The following GLCCI1 variants were observed in gnomAD, a reference collection of about 807,000 sequenced individuals.
The protein encoded by GLCCI1 is glucocorticoid induced 1, also known as glucocorticoid-induced transcript 1 protein.
GLCCI1 carries 24 observed loss-of-function variants against 52.2 expected under a neutral mutation model. The observed-to-expected ratio is 0.46, with a 90% CI of 0.33 to 0.65. The LOEUF is 0.65. Ranked by LOEUF, GLCCI1 falls within the 30% of genes least tolerant of loss-of-function variation. GLCCI1 has a pLI of 0.02. For synonymous variants in GLCCI1, 310 were observed against 276.5 expected (o/e 1.12, Z -1.20); for missense variants, 704 against 701.5 (o/e 1.00, Z -0.04).
At position 7,969,670 on chromosome 7, in the gene GLCCI1, C is replaced by G. The variant is rs1780298454; in HGVS notation, c.320C>G (p.Ser107Cys). Residue 107 changes from serine (S) to cysteine (C), a missense_variant, in exon 1 of 8, where the codon TCC (serine) becomes TGC (cysteine). Physicochemically the swap from Ser to Cys is moderately radical, Grantham distance 112. Transcript: ENST00000223145. This position sits in a 1 kb window ranked among gnomAD's most constrained non-coding sequence, Gnocchi z 4.9. ...GPGAARGPSP[S>C]SPTPPAAAAP... ...GGCGCGGCCCGCGGCCCCAGCCCGT[C>G]CAGCCCGACGCCGCCGGCGGCCGCA... is the stretch of plus-strand genomic sequence containing the variant. 9.2e-7 allele frequency: 1 copy of G among 1,083,468 alleles called. No homozygotes were observed. The highest frequency in any genetic ancestry group is 1.1e-6 in the Non-Finnish European group (1 of 894,414). The allele number at this position is 1,083,468 out of a possible 1,614,324, so 67.1% of individuals were successfully genotyped here.
At chr7:8,055,574 T>G (rs774964585) in intron 4 of GLCCI1, 25 bp downstream of exon 4, 5 of 1,327,626 alleles carry the variant, frequency 3.8e-6, no homozygotes, top group Admixed American at 1.7e-5. Flanking sequence ...TGTCCAGATT[T>G]GAATAATTAC....
At chr7:8,015,569 T>C (rs1242314859) in intron 2 of GLCCI1, among the ~76,000 whole-genome samples, 1 of 152,202 alleles carries the variant, frequency 6.6e-6, no homozygotes, top group African/African-American at 2.4e-5. Flanking sequence ...CTCTCAGCCA[T>C]CATCTAATTA....
At position 8,071,122 on chromosome 7, in the gene GLCCI1, C is replaced by T. The variant is rs1184135030; in HGVS notation, c.1168C>T (p.Arg390Cys). The T allele has an allele frequency of 1.9e-6, 3 of 1,613,332 alleles. No individual in the cohort carries two copies. Among genetic ancestry groups the T allele is most frequent in the Admixed American group, 1.7e-5 (1 of 59,980 alleles). Reference protein sequence around the residue: ...PCSTEDLLYDRDKDSGSSSPL... With the variant: ...PCSTEDLLYDCDKDSGSSSPL... ...CTCAACAGAAGATTTGCTCTATGAT[C>T]GTGATAAAGGTAAGAATGGAATTGT... Residue 390 changes from arginine (R) to cysteine (C), a missense_variant, in exon 6 of 8, where the codon CGT becomes TGT. Physicochemically the swap from Arg to Cys is radical, Grantham distance 180. Coordinates refer to ENST00000223145, the MANE Select transcript of GLCCI1 (RefSeq NM_138426.4).
intron 6 of GLCCI1, among the ~76,000 whole-genome samples, chr7:8,072,949 A>G (rs1260274614): frequency 6.6e-6 from 1 of 152,130 alleles, no homozygotes; most frequent in Non-Finnish European, 1.5e-5. Flanking sequence ...CCTCCCAGTG[A>G]ATAGTGGTTT....
intron 3 of GLCCI1, among the ~76,000 whole-genome samples, chr7:8,039,176 A>G (rs577137737): frequency 5.9e-5 from 9 of 152,316 alleles, no homozygotes; most frequent in African/African-American, 9.6e-5. Context: ...TACAACCTCT[A>G]TGCAAAAATA....
chr7:8,037,083 C>A (rs534706328), intron 3 of GLCCI1, among the ~76,000 whole-genome samples: 1 of 130,458 alleles, frequency 7.7e-6, no homozygotes, highest in East Asian at 2.2e-4. Flanking sequence ...GATGACTCGA[C>A]CAAAATAGTC....
At chr7:8,067,575 G>C (rs1782658227) in intron 5 of GLCCI1, among the ~76,000 whole-genome samples, 1 of 152,154 alleles carries the variant, frequency 6.6e-6, no homozygotes. Context: ...TGGTAGTAAT[G>C]AATTCTCTTA....
At chr7:7,975,833 T>C (rs768547790) in intron 1 of GLCCI1, among the ~76,000 whole-genome samples, 2 of 152,220 alleles carry the variant, frequency 1.3e-5, no homozygotes, top group African/African-American at 2.4e-5. Context: ...TTCTTGTTTC[T>C]GAAGATAGGA....
chr7:8,002,529 G>GA (rs1396274829), intron 1 of GLCCI1, among the ~76,000 whole-genome samples: 1 of 151,980 alleles, frequency 6.6e-6, no homozygotes, highest in South Asian at 2.1e-4. Flanking sequence ...TGGGTCAAAG[G>GA]AAAAAATAAA....
At chr7:8,073,550 C>G (rs538691879) in intron 6 of GLCCI1, among the ~76,000 whole-genome samples, 2 of 152,186 alleles carry the variant, frequency 1.3e-5, no homozygotes, top group Admixed American at 6.5e-5. Context: ...CAGATCATCT[C>G]TAAAGCTAAG....
chr7:8,029,472 C>G (rs547342332), intron 3 of GLCCI1, among the ~76,000 whole-genome samples: 3 of 152,206 alleles, frequency 2.0e-5, no homozygotes, highest in Non-Finnish European at 4.4e-5. Flanking sequence ...CTATATATCC[C>G]ACAGCTATTA....
At position 8,045,882 on chromosome 7, in the gene GLCCI1, A is replaced by G. The variant is rs147490959; in HGVS notation, c.697-9551A>G. Among the ~76,000 whole-genome samples, 133 of 152,228 alleles carry G rather than the reference A, an allele frequency of 8.7e-4. 1 individual carries two copies. Among genetic ancestry groups the G allele is most frequent in the Admixed American group, 8.3e-3 (127 of 15,300 alleles). ...TGAACCTGCAAACAAATATCTTAGG[A>G]AACATGTTGCCATAAGAGATATCGG... On this transcript the variant is annotated intron_variant, in intron 3 of 7. Coordinates refer to ENST00000223145, the MANE Select transcript of GLCCI1 (RefSeq NM_138426.4).
intron 1 of GLCCI1, among the ~76,000 whole-genome samples, chr7:7,989,448 A>C (rs755396753): frequency 6.6e-5 from 10 of 152,168 alleles, no homozygotes; most frequent in Non-Finnish European, 1.2e-4. Context: ...TGAGGAAAAT[A>C]GAATGACAAT....
chr7:7,991,525 A>C (rs1459499862), intron 1 of GLCCI1, among the ~76,000 whole-genome samples: 2 of 152,094 alleles, frequency 1.3e-5, no homozygotes, highest in Admixed American at 1.3e-4. Context: ...CATAATATTA[A>C]TAGCCATAAT....
rs1416806369 is a variant in GLCCI1 at position 8,060,084 on chromosome 7, C to G, written c.814-12C>G. Reference sequence around the variant, plus strand: ...ACAAATAATTTGATACCACCTTTATCTTATCTCATAGGCTACTGGATCAAG... The same window carrying G: ...ACAAATAATTTGATACCACCTTTATGTTATCTCATAGGCTACTGGATCAAG... On this transcript the variant is annotated splice_polypyrimidine_tract_variant and intron_variant, in intron 4 of 7. Coordinates refer to ENST00000223145, the MANE Select transcript of GLCCI1 (RefSeq NM_138426.4). 1.9e-6 allele frequency: 3 copies of G among 1,602,806 alleles called. No individual in the cohort carries two copies. Among genetic ancestry groups the G allele is most frequent in the Non-Finnish European group, 2.6e-6 (3 of 1,175,988 alleles).
intron 1 of GLCCI1, among the ~76,000 whole-genome samples, chr7:7,998,728 C>CT (rs932777963): frequency 6.6e-6 from 1 of 152,014 alleles, no homozygotes; most frequent in African/African-American, 2.4e-5. Context: ...AGCTACTGAC[C>CT]TTTTGAAGGA....
At chr7:8,077,638 A>ATTTTAT (rs35450201) in intron 6 of GLCCI1, among the ~76,000 whole-genome samples, 112,303 of 151,220 alleles carry the variant, frequency 0.74, 42,134 homozygotes, top group African/African-American at 0.85. Flanking sequence ...TGTTCAGGTG[A>ATTTTAT]TTTTATTATT....
At chr7:8,004,691 G>C (rs1781112197) in intron 2 of GLCCI1, among the ~76,000 whole-genome samples, 1 of 152,120 alleles carries the variant, frequency 6.6e-6, no homozygotes, top group South Asian at 2.1e-4. Context: ...AAAAATATAA[G>C]AGATAGTCAT....
chr7:8,035,605 G>A lies in GLCCI1; in HGVS notation c.696+13036G>A, dbSNP rs555394273. ...TATGTTCCTGCAACAGAAATCAGGA[G>A]AACCACAAAGATGTATGTTTTAGGC... On this transcript the variant is annotated intron_variant, in intron 3 of 7. Transcript: ENST00000223145. Among the ~76,000 whole-genome samples the A allele has an allele frequency of 8.5e-5, 13 of 152,308 alleles. No individual in the cohort carries two copies. In the East Asian group the frequency reaches 2.3e-3, roughly 27 times the overall value.
Sources: allele counts gnomAD v4.1 joint callset (sites outside exome capture counted in the v4.1 genomes callset), GRCh38; gene constraint gnomAD v4.1.1; non-coding constraint Gnocchi (gnomAD v3.1); transcripts MANE v1.5; gene names NCBI Gene and HGNC (gene_info 2026-07-23, HGNC 2026-07-21).